The following POMGNT1 variants were observed in gnomAD, a reference collection of about 807,000 sequenced individuals.
The protein encoded by POMGNT1 is protein O-linked mannose N-acetylglucosaminyltransferase 1 (beta 1,2-).
Under a neutral mutation model 95.6 loss-of-function variants are expected in POMGNT1, and 67 were observed. The ratio of observed to expected loss-of-function variants is 0.70; its 90% confidence interval spans 0.58 to 0.86. POMGNT1 has a LOEUF of 0.86. Among genes scored for constraint, POMGNT1 ranks in the 40% least tolerant of loss-of-function variants. POMGNT1 has a pLI of 0.00. For missense variants in POMGNT1, 719 were observed against 855.2 expected, an observed-to-expected ratio of 0.84 and a Z score of 1.99; for synonymous variants, 298 against 317.9, an observed-to-expected ratio of 0.94 and a Z score of 0.66.
Position 46,193,857 on chromosome 1 carries a change from G to C in POMGNT1, c.948C>G (p.Tyr316Ter), listed in dbSNP as rs776758999. Residue 316 changes from tyrosine to a stop codon, truncating the protein, a stop_gained and splice_region_variant, in exon 10 of 22, where the codon TAC becomes TAG. Coordinates refer to ENST00000371984, the MANE Select transcript of POMGNT1 (RefSeq NM_017739.4). LOFTEE classifies it high-confidence loss of function. Reference protein sequence around the residue: ...VIAGNRPNYLYRMLRSLLSAQ... With the variant: ...VIAGNRPNYL ...GTATAGCCCATTCCCAGGCTTACCT[G>C]TACAGGTAATTGGGTCGGTTCCCTG... 6.2e-7 allele frequency: 1 copy of C among 1,614,122 alleles called. No individual in the cohort carries two copies. The highest frequency in any genetic ancestry group is 8.5e-7 in the Non-Finnish European group (1 of 1,180,020).
At position 46,188,791 on chromosome 1, in the gene POMGNT1, G is replaced by C. The variant is rs370387187; in HGVS notation, c.*479C>G. 1 of 1,612,796 alleles carries C rather than the reference G, an allele frequency of 6.2e-7. No individual in the cohort carries two copies. The highest frequency in any genetic ancestry group is 2.2e-5 in the East Asian group (1 of 44,886). ...TGGTCCAGTGTCTAAGGGTCTCTGA[G>C]TGAGTCTGTGTCAGCATGTGGGCCC... On this transcript the variant is annotated 3_prime_UTR_variant, in exon 22 of 22. Transcript: ENST00000371984.
rs1432142876 is a variant in POMGNT1, at chr1:46,196,141, G to A, written c.355-64C>T. On this transcript the variant is annotated intron_variant, in intron 4 of 21. Coordinates refer to ENST00000371984, the MANE Select transcript of POMGNT1 (RefSeq NM_017739.4). This position sits in a 1 kb window ranked among gnomAD's most constrained non-coding sequence, Gnocchi z 4.4. ...GGCATTCAAGGTGTCTCTGTCTTAGGGGTACTTAAAACACCAGCTGCTTGA... is the reference window on the plus strand; with the variant it reads ...GGCATTCAAGGTGTCTCTGTCTTAGAGGTACTTAAAACACCAGCTGCTTGA... The A allele has an allele frequency of 3.1e-6, 5 of 1,611,136 alleles. No homozygotes were observed. The highest frequency in any genetic ancestry group is 4.2e-6 in the Non-Finnish European group (5 of 1,179,650).
At chr1:46,199,632 C>G (rs780104383), upstream of POMGNT1, among the ~76,000 whole-genome samples, 2 of 152,136 alleles carry the variant, frequency 1.3e-5, no homozygotes, top group Admixed American at 6.6e-5. Flanking sequence ...GCAATATAAT[C>G]CAATTTCTGT....
chr1:46,219,768 G>C (rs980531685), exon 1 of POMGNT1: 9 of 1,613,986 alleles, frequency 5.6e-6, no homozygotes, highest in Non-Finnish European at 7.6e-6. Flanking sequence ...CATCGAGGCA[G>C]TGCGCTGGCT....
intron 1 of POMGNT1, among the ~76,000 whole-genome samples, chr1:46,212,887 G>A (rs1658947244): frequency 6.6e-6 from 1 of 151,992 alleles, no homozygotes; most frequent in Non-Finnish European, 1.5e-5. Flanking sequence ...AGCCTCCTGA[G>A]TAGCTGGGAC....
rs112610756 is a variant in POMGNT1, at chr1:46,189,808, G to A, written c.1785+46C>T. 1.8e-3 allele frequency: 2,978 copies of A among 1,612,112 alleles called. 56 individuals carry two copies. In the African/African-American group the frequency reaches 0.033, roughly 18 times the overall value. ...CTCCCTGGATCTTGGGGCAGTATGT[G>A]TGTGAGGGGGAGGGGTTCTCCAGGG... On this transcript the variant is annotated intron_variant, in intron 20 of 21. Transcript: ENST00000371984.
chr1:46,197,287 C>G (rs1436530310), intron 2 of POMGNT1: 3 of 1,507,764 alleles, frequency 2.0e-6, no homozygotes, highest in Non-Finnish European at 1.8e-6. Flanking sequence ...ACACTTCCCC[C>G]TCCATTAGGG....
chr1:46,190,532 G>A lies in POMGNT1; in HGVS notation c.1605-15C>T. 6.3e-7 allele frequency: 1 copy of A among 1,599,828 alleles called. No homozygotes were observed. The highest frequency in any genetic ancestry group is 8.6e-7 in the Non-Finnish European group (1 of 1,166,964). On this transcript the variant is annotated splice_polypyrimidine_tract_variant and intron_variant, in intron 18 of 21. Coordinates refer to ENST00000371984, the MANE Select transcript of POMGNT1 (RefSeq NM_017739.4). ...CTTTCTTCAGACTGAAGAGGAGGGAGAAATGGGTCAGGGGAGTGGGCAGGC... is the reference window on the plus strand; with the variant it reads ...CTTTCTTCAGACTGAAGAGGAGGGAAAAATGGGTCAGGGGAGTGGGCAGGC...
intron 1 of POMGNT1, among the ~76,000 whole-genome samples, chr1:46,206,334 A>G (rs1557682924): frequency 1.3e-5 from 2 of 152,238 alleles, no homozygotes; most frequent in East Asian, 3.9e-4. Flanking sequence ...TATAGTAACA[A>G]TATTCTGATA....
intron 1 of POMGNT1, chr1:46,203,706 C>G: frequency 7.2e-7 from 1 of 1,381,334 alleles, no homozygotes; most frequent in Admixed American, 2.4e-5. Context: ...CAGAGTTAAG[C>G]TGGAGAGGAG....
Position 46,192,935 on chromosome 1 carries a change from C to T in POMGNT1, c.1176G>A (p.Leu392=). The change falls in exon 14 of 22, where the codon CTG becomes CTA. Residue 392 remains leucine, a synonymous_variant. Transcript: ENST00000371984. ...LFPEAKFAVV[L]EEDLDIAVDF... ...CCACAGCAATGTCCAGGTCCTCTTC[C>T]AGAACCACAGCAAACTTGGCCTCCT... The T allele has an allele frequency of 6.2e-7, 1 of 1,614,188 alleles. No individual in the cohort carries two copies. The highest frequency in any genetic ancestry group is 8.5e-7 in the Non-Finnish European group (1 of 1,180,026).
rs72897102 is a variant in POMGNT1 at position 46,213,066 on chromosome 1, A to G, written c.-51+6639T>C. 8.2e-3 allele frequency among the ~76,000 whole-genome samples: 1,255 copies of G among 152,258 alleles called. 19 individuals are homozygous for G. Among genetic ancestry groups the G allele is most frequent in the Middle Eastern group, 0.037 (11 of 294 alleles). ...CCATATAAACATTTTGATCAATGAT[A>G]GACTACATATGTCAAATAAACATTT... On this transcript the variant is annotated intron_variant, in intron 1 of 22. Coordinates refer to the POMGNT1 transcript ENST00000371992.
chr1:46,212,992 C>T (rs1658951305), intron 1 of POMGNT1, among the ~76,000 whole-genome samples: 1 of 152,114 alleles, frequency 6.6e-6, no homozygotes, highest in African/African-American at 2.4e-5. Flanking sequence ...TCTCGATCTC[C>T]TGACCTCTAG....
rs1421499710 is a variant in POMGNT1, at chr1:46,188,796, T to C, written c.*474A>G. On this transcript the variant is annotated 3_prime_UTR_variant, in exon 22 of 22. Coordinates refer to ENST00000371984, the MANE Select transcript of POMGNT1 (RefSeq NM_017739.4). ...CAGTGTCTAAGGGTCTCTGAGTGAG[T>C]CTGTGTCAGCATGTGGGCCCCAGCT... The C allele has an allele frequency of 6.2e-7, 1 of 1,612,794 alleles. No individual in the cohort carries two copies. The highest frequency in any genetic ancestry group is 8.5e-7 in the Non-Finnish European group (1 of 1,179,878).
intron 1 of POMGNT1, 26 bp from the exon 2 acceptor site, chr1:46,197,897 G>A (rs1462825705): frequency 2.6e-5 from 42 of 1,602,304 alleles, no homozygotes; most frequent in Non-Finnish European, 4.3e-6. Flanking sequence ...GGCCACATGG[G>A]GTAAGATGCT....
intron 7 of POMGNT1, 73 bp from the exon 8 acceptor site, chr1:46,194,724 T>C: frequency 1.2e-6 from 2 of 1,614,102 alleles, no homozygotes; most frequent in Non-Finnish European, 1.7e-6. Context: ...TCTCCCTGCC[T>C]ACTTTCATCC....
At chr1:46,212,235 C>A (rs1297499778) in intron 1 of POMGNT1, among the ~76,000 whole-genome samples, 3 of 151,802 alleles carry the variant, frequency 2.0e-5, no homozygotes, top group Non-Finnish European at 4.4e-5. Context: ...CACATAATGA[C>A]GTTTTGGTCA....
intron 1 of POMGNT1, among the ~76,000 whole-genome samples, chr1:46,216,043 C>CTTT (rs141982741): frequency 0.052 from 4,853 of 92,686 alleles, 55 homozygotes; most frequent in Non-Finnish European, 0.06. Flanking sequence ...TTTATTTTAT[C>CTTT]TTTTTTTTTT....
chr1:46,197,648 G>T, intron 2 of POMGNT1, 54 bp downstream of exon 2: 1 of 1,610,736 alleles, frequency 6.2e-7, no homozygotes, highest in South Asian at 1.1e-5. Context: ...GATTTAGGTG[G>T]GGAGGAAGCT....
Sources: gnomAD v4.1 joint callset for allele counts (sites outside exome capture counted in the v4.1 genomes callset) on GRCh38, gnomAD v4.1.1 for gene constraint, Gnocchi (gnomAD v3.1) non-coding constraint, MANE v1.5 for transcripts, NCBI Gene and HGNC (gene_info 2026-07-23, HGNC 2026-07-21) for gene names.